BAZ2B: variants seen among roughly 807,000 people sequenced by gnomAD.
BAZ2B encodes bromodomain adjacent to zinc finger domain 2B, also known as bromodomain adjacent to zinc finger domain protein 2B.
A neutral mutation model predicts 246.0 loss-of-function variants in BAZ2B; 91 were observed. That is an observed-to-expected ratio of 0.37 (90% CI 0.31 to 0.44). BAZ2B has a LOEUF of 0.44. BAZ2B is among the 20% of genes least tolerant of loss of function. The pLI is 1.00. For synonymous variants in BAZ2B, 855 were observed against 860.0 expected (o/e 0.99, Z 0.10); for missense variants, 2,332 against 2,533.7 (o/e 0.92, Z 1.71).
At chr2:159,421,174 AT>A (rs59654878) in intron 13 of BAZ2B, among the ~76,000 whole-genome samples, 81 of 147,212 alleles carry the variant, frequency 5.5e-4, no homozygotes, top group African/African-American at 6.0e-4. Flanking sequence ...CTTTCTTTAC[AT>A]TTTTTTTTTT....
At chr2:159,472,378 T>A (rs1409915922) in intron 3 of BAZ2B, among the ~76,000 whole-genome samples, 1 of 152,244 alleles carries the variant, frequency 6.6e-6, no homozygotes, top group Non-Finnish European at 1.5e-5. Flanking sequence ...TACAATCATG[T>A]CATCTGCAAA....
At chr2:159,343,335 G>T (rs931116140) in intron 31 of BAZ2B, among the ~76,000 whole-genome samples, 1 of 152,006 alleles carries the variant, frequency 6.6e-6, no homozygotes, top group Admixed American at 6.5e-5. Flanking sequence ...ACACTGGTCT[G>T]GGAAAATATT....
At chr2:159,458,036 A>T (rs1469012838) in intron 3 of BAZ2B, among the ~76,000 whole-genome samples, 1 of 152,082 alleles carries the variant, frequency 6.6e-6, no homozygotes, top group Non-Finnish European at 1.5e-5. Context: ...TTTGACATGG[A>T]GTCTCCAGCC....
At chr2:159,708,545 TTTTA>T in the BAZ2B span, among the ~76,000 whole-genome samples, 244 of 108,868 alleles carry the variant, frequency 2.2e-3, 2 homozygotes, top group Middle Eastern at 0.014. Flanking sequence ...TTTAATAACC[TTTTA>T]TTTATTTATT....
chr2:159,709,183 G>A, the BAZ2B span, among the ~76,000 whole-genome samples: 2 of 151,848 alleles, frequency 1.3e-5, no homozygotes, highest in Non-Finnish European at 2.9e-5. Flanking sequence ...GCCAGGCGCG[G>A]TGGCTAACGC....
chr2:159,443,145 C>G (rs1183318584), intron 6 of BAZ2B, among the ~76,000 whole-genome samples: 1 of 152,156 alleles, frequency 6.6e-6, no homozygotes, highest in Non-Finnish European at 1.5e-5. Flanking sequence ...TTACTATTCC[C>G]TAACATGTGA....
Position 159,325,918 on chromosome 2 carries a change from C to A in BAZ2B, c.5944G>T (p.Ala1982Ser). ...DWFCPACIAK[A>S]SGQTLKIKKL... ...TTGATTTTTAGAGTTTGACCACTTG[C>A]CTTTAATTTAAAAAAAAAGTAAATG... Residue 1982 changes from alanine to serine, a missense_variant and splice_region_variant, in exon 35 of 37, where the codon GCA becomes TCA. Physicochemically the swap from Ala to Ser is moderately conservative, Grantham distance 99 (BLOSUM62 1). This residue lies in a region of BAZ2B where 210 missense variants were observed against 232.5 expected (regional missense o/e 0.90). Coordinates refer to ENST00000392783, the MANE Select transcript of BAZ2B (RefSeq NM_013450.4). 1 of 1,572,446 alleles carries A rather than the reference C, an allele frequency of 6.4e-7. No individual in the cohort carries two copies. Among genetic ancestry groups the A allele is most frequent in the African/African-American group, 1.4e-5 (1 of 72,226 alleles).
At chr2:159,446,663 T>C in intron 6 of BAZ2B, 119 bp downstream of exon 6, 1 of 898,960 alleles carries the variant, frequency 1.1e-6, no homozygotes, top group Non-Finnish European at 1.7e-6. Flanking sequence ...CACGTATCTA[T>C]AAAAATAAAA....
intron 3 of BAZ2B, among the ~76,000 whole-genome samples, chr2:159,467,485 C>G (rs2077220606): frequency 6.6e-6 from 1 of 152,098 alleles, no homozygotes; most frequent in African/African-American, 2.4e-5. Context: ...TTTTCCTCCC[C>G]CAGCACCAAT....
intron 1 of BAZ2B, among the ~76,000 whole-genome samples, chr2:159,558,081 AG>A (rs1392073864): frequency 2.6e-5 from 4 of 152,156 alleles, no homozygotes; most frequent in Non-Finnish European, 4.4e-5. Flanking sequence ...ACTAAGTATT[AG>A]GAACAAGGAT....
rs751545797 is a variant in BAZ2B at position 159,325,710 on chromosome 2, C to G, written c.6152G>C (p.Ser2051Thr). Residue 2051 changes from serine (S) to threonine (T), a missense_variant, in exon 35 of 37, where the codon AGT becomes ACT. Physicochemically the swap from Ser to Thr is moderately conservative, Grantham distance 58. This residue lies in a region of BAZ2B where 210 missense variants were observed against 232.5 expected (regional missense o/e 0.90). Transcript: ENST00000392783. The stretch of plus-strand genomic sequence containing the variant: ...TTTAGGTTTCTTAACTGAAGTAAAA[C>G]TTTCTTGTTTTGACAAGTTAATAGA... ...NTSINLSKQE[S>T]FTSVKKPKRD... 7.5e-6 allele frequency: 12 copies of G among 1,595,128 alleles called. No homozygotes were observed. In the East Asian group the frequency reaches 2.5e-4, roughly 33 times the overall value.
the BAZ2B span, among the ~76,000 whole-genome samples, chr2:159,647,224 T>G: frequency 6.6e-6 from 1 of 152,170 alleles, no homozygotes; most frequent in Non-Finnish European, 1.5e-5. Context: ...CAATTATGTA[T>G]TAGTCCCAAG....
At chr2:159,653,430 A>G in the BAZ2B span, among the ~76,000 whole-genome samples, 1 of 151,450 alleles carries the variant, frequency 6.6e-6, no homozygotes, top group Non-Finnish European at 1.5e-5. Flanking sequence ...TATGCAGCTG[A>G]CCCAGATATT....
At chr2:159,494,494 A>ATAC (rs145696402) in intron 2 of BAZ2B, among the ~76,000 whole-genome samples, 1 of 152,042 alleles carries the variant, frequency 6.6e-6, no homozygotes, top group African/African-American at 2.4e-5. Flanking sequence ...ATACATGCAC[A>ATAC]TACTACTACT....
intron 13 of BAZ2B, among the ~76,000 whole-genome samples, chr2:159,427,399 A>T (rs528531206): frequency 1.3e-5 from 2 of 152,254 alleles, no homozygotes; most frequent in South Asian, 2.1e-4. Context: ...TGTACCACTT[A>T]ATGTAAAAAC....
intron 3 of BAZ2B, among the ~76,000 whole-genome samples, chr2:159,468,056 C>CGTTT (rs2077303519): frequency 6.6e-6 from 1 of 152,158 alleles, no homozygotes; most frequent in African/African-American, 2.4e-5. Context: ...ACTATCCAAA[C>CGTTT]GCCTAGCTGC....
chr2:159,703,282 T>C, the BAZ2B span, among the ~76,000 whole-genome samples: 1 of 150,880 alleles, frequency 6.6e-6, no homozygotes, highest in Non-Finnish European at 1.5e-5. Context: ...TTAGTAGAGA[T>C]AGGATTTTAC....
chr2:159,630,700 AT>A, the BAZ2B span, among the ~76,000 whole-genome samples: 3 of 151,924 alleles, frequency 2.0e-5, no homozygotes, highest in African/African-American at 7.3e-5. Context: ...CGCCCGGCTA[AT>A]TTTTTTGTAT....
the BAZ2B span, among the ~76,000 whole-genome samples, chr2:159,625,491 C>G: frequency 6.6e-6 from 1 of 152,128 alleles, no homozygotes. Flanking sequence ...TGCAGAAACC[C>G]TACAAGCCAG....
Sources: gnomAD v4.1 joint callset for allele counts (sites outside exome capture counted in the v4.1 genomes callset) on GRCh38, gnomAD v4.1.1 for gene constraint, gnomAD v4.1.1 regional missense constraint, MANE v1.5 for transcripts, NCBI Gene and HGNC (gene_info 2026-07-23, HGNC 2026-07-21) for gene names.